The following TMC4 variants were observed in gnomAD, a reference collection of about 807,000 sequenced individuals.
TMC4 encodes voltage-gated chloride channel TMC4.
A neutral mutation model predicts 82.0 loss-of-function variants in TMC4; 70 were observed. That is an observed-to-expected ratio of 0.85 (90% CI 0.70 to 1.04). The LOEUF (loss-of-function observed/expected upper bound fraction) is 1.04, where lower values mean the gene tolerates loss of function less well. Among genes scored for constraint, TMC4 ranks in the 50% least tolerant of loss-of-function variants. TMC4 has a pLI of 0.00. For synonymous variants in TMC4, 446 were observed against 406.0 expected (o/e 1.10, Z -1.18); for missense variants, 879 against 899.0 (o/e 0.98, Z 0.28).
intron 5 of TMC4, among the ~76,000 whole-genome samples, chr19:54,166,867 T>C (rs1464152674): frequency 2.0e-5 from 3 of 151,870 alleles, no homozygotes; most frequent in East Asian, 1.9e-4. Context: ...GCAGGAAAAT[T>C]GCTTGAACCC....
intron 2 of TMC4, among the ~76,000 whole-genome samples, chr19:54,169,970 G>A (rs572787853): frequency 2.0e-5 from 3 of 151,846 alleles, no homozygotes; most frequent in East Asian, 1.9e-4. Context: ...GCCTGGTGGC[G>A]GGTGCCTGTA....
At position 54,165,564 on chromosome 19, in the gene TMC4, G is replaced by C. The variant is rs2075683677; in HGVS notation, c.800C>G (p.Ser267Trp). Residue 267 changes from serine (S) to tryptophan (W), a missense_variant and splice_region_variant, in exon 6 of 15, where the codon TCG (serine) becomes TGG (tryptophan). Physicochemically the swap from Ser to Trp is radical, Grantham distance 177. Transcript: ENST00000619895. ...CAGTGTCTGCTTCAGCCCAGACACC[G>C]AGCTGAGAGGGGAGACCCGGGAGAC... ...LICLLLILHRSVSGLKQTLLA... is the reference protein window; with the variant it reads ...LICLLLILHRWVSGLKQTLLA... 1 of 1,599,226 alleles carries C rather than the reference G, an allele frequency of 6.3e-7. No individual in the cohort carries two copies. Among genetic ancestry groups the C allele is most frequent in the Non-Finnish European group, 8.6e-7 (1 of 1,169,470 alleles).
chr19:54,166,242 G>A (rs1405233894), intron 5 of TMC4, among the ~76,000 whole-genome samples: 1 of 151,210 alleles, frequency 6.6e-6, no homozygotes. Context: ...AGCCAGGCGT[G>A]GTGGTGCATG....
rs560630390 is a variant in TMC4 at position 54,164,430 on chromosome 19, G to T, written c.1113+4C>A. The stretch of plus-strand genomic sequence containing the variant: ...CTGGCTTCCTCTTCCAAGACCGTCC[G>T]CACCTGCAGCTCCACGGTGCACCCC... On this transcript the variant is annotated splice_donor_region_variant and intron_variant, in intron 7 of 14. Coordinates refer to ENST00000619895, the MANE Select transcript of TMC4 (RefSeq NM_144686.4). 6.2e-7 allele frequency: 1 copy of T among 1,608,120 alleles called. No homozygotes were observed. Among genetic ancestry groups the T allele is most frequent in the Admixed American group, 1.7e-5 (1 of 59,596 alleles).
intron 1 of TMC4, 29 bp from the exon 2 acceptor site, chr19:54,172,112 C>G: frequency 6.7e-7 from 1 of 1,501,384 alleles, no homozygotes; most frequent in Non-Finnish European, 8.9e-7. Context: ...CTGGGAAGAC[C>G]CGGGAGTCTG....
rs369232841 is a variant in TMC4 at position 54,164,370 on chromosome 19, C to T, written c.1113+64G>A. ...CTGGCATCCCAAACTTCCGTCCCCT[C>T]CCTCCACCGTTGGAAATGTAGGTTC... On this transcript the variant is annotated intron_variant, in intron 7 of 14. Coordinates refer to ENST00000619895, the MANE Select transcript of TMC4 (RefSeq NM_144686.4). 2.3e-4 allele frequency: 353 copies of T among 1,541,180 alleles called. 3 individuals are homozygous for T. The East Asian group carries it at 3.4e-3, about 15-fold the overall frequency.
intron 5 of TMC4, among the ~76,000 whole-genome samples, chr19:54,166,893 C>G (rs1421644525): frequency 6.6e-6 from 1 of 151,794 alleles, no homozygotes; most frequent in African/African-American, 2.4e-5. Context: ...GCGGAGGTTG[C>G]AGTGAGCTGA....
intron 2 of TMC4, among the ~76,000 whole-genome samples, chr19:54,171,104 C>CATATATATAGGCATATATGCGT (rs911108789): frequency 2.8e-5 from 1 of 35,814 alleles, no homozygotes; most frequent in Non-Finnish European, 7.1e-5. Flanking sequence ...CACACATATG[C>CATATATATAGGCATATATGCGT]ATATATATAC....
chr19:54,162,306 G>T (rs1452829737), intron 10 of TMC4, 21 bp from the exon 11 acceptor site: 1 of 1,485,788 alleles, frequency 6.7e-7, no homozygotes, highest in South Asian at 1.3e-5. Flanking sequence ...GGGCGGGGCC[G>T]GGCCGGAGTC....
intron 7 of TMC4, 44 bp downstream of exon 7, chr19:54,164,390 A>G (rs1424314923): frequency 1.3e-6 from 2 of 1,561,278 alleles, no homozygotes; most frequent in Non-Finnish European, 8.7e-7. Context: ...TTGGAAATGT[A>G]GGTTCCAGGA....
At chr19:54,163,254 A>C in intron 8 of TMC4, 95 bp from the exon 9 acceptor site, 20 of 1,475,632 alleles carry the variant, frequency 1.4e-5, no homozygotes, top group Non-Finnish European at 1.6e-5. Context: ...AACCCATCTC[A>C]CAGATGAAGC....
In TMC4 at chr19:54,160,321, G is replaced by A; in HGVS notation, c.2106C>T (p.Thr702=). Residue 702 remains threonine, a synonymous_variant, in exon 15 of 15, where the codon ACC becomes ACT. Coordinates refer to ENST00000619895, the MANE Select transcript of TMC4 (RefSeq NM_144686.4). ...LARRAVALTS[T]KPAL is the part of the protein sequence containing the mutation. ...GCTGCGGGGGTCAAAGAGCCGGTTT[G>A]GTGGAGGTCAGCGCCACAGCGCGCC... The A allele has an allele frequency of 1.3e-6, 2 of 1,519,790 alleles. No individual in the cohort carries two copies. The highest frequency in any genetic ancestry group is 2.2e-5 in the Admixed American group (1 of 44,606). The allele number at this position is 1,519,790 out of a possible 1,614,324, so 94.1% of individuals were successfully genotyped here. A position where few individuals can be genotyped will look rare whatever the true frequency, so the allele number is the denominator to read the frequency against.
In TMC4 at chr19:54,166,323, CAAAAA is replaced by C. The variant is rs58329832; in HGVS notation, c.798-762_798-758del. ...GAACCCAGGAGGTGGAGGTCGCCTC[CAAAAA>C]AAAAAAAAAAAAAAAAAAGACCCAG... On this transcript the variant is annotated intron_variant, in intron 5 of 14. Coordinates refer to ENST00000619895, the MANE Select transcript of TMC4 (RefSeq NM_144686.4). 6.5e-5 allele frequency among the ~76,000 whole-genome samples: 7 copies of C among 108,032 alleles called. No individual in the cohort carries two copies. The East Asian group carries it at 7.7e-4, about 12-fold the overall frequency. 70.9% of individuals were successfully genotyped at this position (108,032 alleles called of 152,430 possible). A position where few individuals can be genotyped will look rare whatever the true frequency, so the allele number is the denominator to read the frequency against.
In TMC4 at chr19:54,162,673, T is replaced by C. The variant is rs1472351101; in HGVS notation, c.1502A>G (p.Lys501Arg). The change falls in exon 10 of 15, where the codon AAG becomes AGG. Residue 501 changes from lysine to arginine, a missense_variant and splice_region_variant. Lys to Arg is a conservative substitution (Grantham distance 26). Transcript: ENST00000619895. ...AVALLIQFPR[K>R]LLCGLCPGAL... Reference sequence around the variant, plus strand: ...CCACAGCAAGGGGCGGGGCTCTCACTTTCTAGGAAACTGGATGAGCAGCGC... The same window carrying C: ...CCACAGCAAGGGGCGGGGCTCTCACCTTCTAGGAAACTGGATGAGCAGCGC... 1 of 1,613,314 alleles carries C rather than the reference T, an allele frequency of 6.2e-7. No homozygotes were observed. Among genetic ancestry groups the C allele is most frequent in the African/African-American group, 1.3e-5 (1 of 74,874 alleles).
chr19:54,169,011 T>TA (rs1491338821), intron 3 of TMC4, among the ~76,000 whole-genome samples: 120 of 1,638 alleles, frequency 0.073, 38 homozygotes, highest in Admixed American at 0.15. Flanking sequence ...TATATATATA[T>TA]TTTTTTTTTT....
At chr19:54,171,058 T>TAC (rs1047362182) in intron 2 of TMC4, among the ~76,000 whole-genome samples, 2 of 94,672 alleles carry the variant, frequency 2.1e-5, no homozygotes, top group African/African-American at 7.4e-5. Context: ...TCCATATATA[T>TAC]ACACATATAT....
At position 54,163,081 on chromosome 19, in the gene TMC4, G is replaced by A. The variant is rs920719446; in HGVS notation, c.1356C>T (p.Ser452=). Residue 452 remains serine (S), a synonymous_variant, in exon 9 of 15, where the codon TCC becomes TCT. Transcript: ENST00000619895. ...CACAGGTTTTGCAGTCCTCAGCCTCGGAGTCGCCCCCACAAGTGATCTGAT... is the reference window on the plus strand; with the variant it reads ...CACAGGTTTTGCAGTCCTCAGCCTCAGAGTCGCCCCCACAAGTGATCTGAT... ...LWNQITCGGD[S]EAEDCKTCGY... 3 of 1,614,012 alleles carry A rather than the reference G, an allele frequency of 1.9e-6. No individual in the cohort carries two copies. The highest frequency in any genetic ancestry group is 1.7e-5 in the Admixed American group (1 of 59,992).
Position 54,168,501 on chromosome 19 carries a change from A to G in TMC4, c.622T>C (p.Ser208Pro). The G allele has an allele frequency of 6.5e-7, 1 of 1,547,264 alleles. No individual in the cohort carries two copies. The highest frequency in any genetic ancestry group is 1.2e-5 in the South Asian group (1 of 83,742). ...SSPCGSYNPH[S>P]QGLVTFATQL... ...GTGGCAAAGGTGACCAGGCCCTGGG[A>G]GTGGGGGTTATAGGAGCCGCAGGGC... The change falls in exon 4 of 15, where the codon TCC becomes CCC. Residue 208 changes from serine (S) to proline (P), a missense_variant. By Grantham distance (74) the Ser-to-Pro change is moderately conservative. Coordinates refer to ENST00000619895, the MANE Select transcript of TMC4 (RefSeq NM_144686.4).
At position 54,160,869 on chromosome 19, in the gene TMC4, C is replaced by T. The variant is rs905649871; in HGVS notation, c.1973+9G>A. 4.3e-6 allele frequency: 7 copies of T among 1,613,412 alleles called. No homozygotes were observed. The highest frequency in any genetic ancestry group is 5.9e-6 in the Non-Finnish European group (7 of 1,179,778). On this transcript the variant is annotated intron_variant, in intron 13 of 14. Coordinates refer to ENST00000619895, the MANE Select transcript of TMC4 (RefSeq NM_144686.4). ...TCAAACCCAGACCCAGAAGTCTGGG[C>T]CGTCTCACCTGGAGATCAGCAGAAG...
Sources: gnomAD v4.1 joint callset for allele counts (sites outside exome capture counted in the v4.1 genomes callset) on GRCh38, gnomAD v4.1.1 for gene constraint, MANE v1.5 for transcripts, NCBI Gene and HGNC (gene_info 2026-07-23, HGNC 2026-07-21) for gene names.